The following ARHGEF3 variants were observed in gnomAD, a reference collection of about 807,000 sequenced individuals.
The protein encoded by ARHGEF3 is Rho guanine nucleotide exchange factor 3, also known as 59.8 kDA protein.
Under a neutral mutation model 63.2 loss-of-function variants are expected in ARHGEF3, and 28 were observed. That is an observed-to-expected ratio of 0.44 (90% CI 0.33 to 0.61). The LOEUF is 0.61. Among genes scored for constraint, ARHGEF3 ranks in the 20% least tolerant of loss-of-function variants. The pLI is 0.03. For missense variants in ARHGEF3, 533 were observed against 659.3 expected (o/e 0.81, Z 2.10); for synonymous variants, 266 against 254.2 (o/e 1.05, Z -0.44).
intron 2 of ARHGEF3, among the ~76,000 whole-genome samples, chr3:56,759,329 C>A (rs1183025226): frequency 6.6e-6 from 1 of 152,068 alleles, no homozygotes; most frequent in African/African-American, 2.4e-5. Flanking sequence ...AGGAGCCCGC[C>A]ACCAGGCCCA....
rs148912501 is a variant in ARHGEF3, at chr3:56,845,057, G to A, written c.192+37235C>T. Among the ~76,000 whole-genome samples the A allele has an allele frequency of 4.3e-3, 660 of 152,314 alleles. 5 individuals are homozygous for A. The highest frequency in any genetic ancestry group is 0.014 in the African/African-American group (601 of 41,564). On this transcript the variant is annotated intron_variant, in intron 4 of 12. Transcript: ENST00000338458. Reference sequence around the variant, plus strand: ...CCCATGTGGCAAAGGGCTGAAAGTGGCCTCCTGGAGCTGAAGGTGGCCTCC... The same window carrying A: ...CCCATGTGGCAAAGGGCTGAAAGTGACCTCCTGGAGCTGAAGGTGGCCTCC...
Position 56,729,158 on chromosome 3 carries a change from G to T in ARHGEF3, c.*112C>A. The T allele has an allele frequency of 1.1e-6, 1 of 909,094 alleles. No individual in the cohort carries two copies. The highest frequency in any genetic ancestry group is 1.6e-6 in the Non-Finnish European group (1 of 611,578). The allele number at this position is 909,094 out of a possible 1,614,324, so 56.3% of individuals were successfully genotyped here. ...CAGATACGAGAGACTGGGCCAACATGTATACTTTCACAAAAGTATGAAAAA... is the reference window on the plus strand; with the variant it reads ...CAGATACGAGAGACTGGGCCAACATTTATACTTTCACAAAAGTATGAAAAA... On this transcript the variant is annotated 3_prime_UTR_variant, in exon 10 of 10. Transcript: ENST00000296315.
chr3:57,016,876 G>A (rs1167146993), intron 2 of ARHGEF3, among the ~76,000 whole-genome samples: 1 of 152,090 alleles, frequency 6.6e-6, no homozygotes, highest in Non-Finnish European at 1.5e-5. Flanking sequence ...CTTTGAAAAT[G>A]ACCTTGCCCA....
chr3:57,020,334 C>T (rs760686212), intron 2 of ARHGEF3, among the ~76,000 whole-genome samples: 1 of 152,180 alleles, frequency 6.6e-6, no homozygotes, highest in Non-Finnish European at 1.5e-5. Context: ...ACAGTGAAGA[C>T]CACAAAGGGG....
intron 4 of ARHGEF3, among the ~76,000 whole-genome samples, chr3:56,836,949 T>G (rs1448055451): frequency 1.3e-5 from 2 of 152,062 alleles, no homozygotes; most frequent in East Asian, 3.9e-4. Flanking sequence ...AAAGTCACTG[T>G]GTAAAGGCCA....
chr3:56,844,622 A>G (rs1009638868), intron 4 of ARHGEF3, among the ~76,000 whole-genome samples: 1 of 152,238 alleles, frequency 6.6e-6, no homozygotes, highest in Non-Finnish European at 1.5e-5. Flanking sequence ...TCAACCTTAT[A>G]GCAGGGCTAA....
chr3:57,075,360 A>G (rs780915975), intron 1 of ARHGEF3: 1 of 167,286 alleles, frequency 6.0e-6, no homozygotes. Context: ...CTGTGTGGTC[A>G]GTACCAGGGC....
intron 4 of ARHGEF3, among the ~76,000 whole-genome samples, chr3:56,850,786 T>C (rs566629656): frequency 2.0e-5 from 3 of 152,234 alleles, no homozygotes; most frequent in Non-Finnish European, 4.4e-5. Context: ...TTTCAATTTT[T>C]ATCATCAGTC....
intron 4 of ARHGEF3, among the ~76,000 whole-genome samples, chr3:56,870,492 C>G (rs1193689670): frequency 1.3e-5 from 2 of 152,090 alleles, no homozygotes; most frequent in African/African-American, 4.8e-5. Context: ...ATAGGTGGAA[C>G]AGAGGATTTT....
chr3:57,040,270 C>T (rs561723912), intron 1 of ARHGEF3, among the ~76,000 whole-genome samples: 6 of 152,130 alleles, frequency 3.9e-5, no homozygotes, highest in East Asian at 1.9e-4. Context: ...GAGGTCAGGA[C>T]ATTGAGACCA....
At chr3:56,949,192 G>A (rs1699675116) in intron 3 of ARHGEF3, among the ~76,000 whole-genome samples, 1 of 151,948 alleles carries the variant, frequency 6.6e-6, no homozygotes, top group Admixed American at 6.5e-5. Context: ...GGCAAAAACT[G>A]GAAGCATTCC....
At position 56,821,075 on chromosome 3, in the gene ARHGEF3, G is replaced by A. The variant is rs148140355; in HGVS notation, c.193-47259C>T. Among the ~76,000 whole-genome samples the A allele has an allele frequency of 1.8e-3, 281 of 152,050 alleles. 2 individuals are homozygous for A. Among genetic ancestry groups the A allele is most frequent in the African/African-American group, 6.5e-3 (268 of 41,466 alleles). On this transcript the variant is annotated intron_variant, in intron 4 of 12. Coordinates refer to the ARHGEF3 transcript ENST00000338458. Reference sequence around the variant, plus strand: ...CTACCTGGGAGGCACCTGAGCCTAGGAGACAGAGGCTGCAGTGAATGCAGT... The same window carrying A: ...CTACCTGGGAGGCACCTGAGCCTAGAAGACAGAGGCTGCAGTGAATGCAGT...
chr3:56,803,953 T>C (rs1164642104), upstream of ARHGEF3, among the ~76,000 whole-genome samples: 1 of 151,742 alleles, frequency 6.6e-6, no homozygotes, highest in East Asian at 1.9e-4. Flanking sequence ...GGCATGATCT[T>C]GGCTCACTGC....
intron 2 of ARHGEF3, among the ~76,000 whole-genome samples, chr3:57,001,086 T>C (rs35044559): frequency 0.16 from 24,392 of 151,918 alleles, 2,236 homozygotes; most frequent in Non-Finnish European, 0.21. Context: ...ACTACAGGCA[T>C]GCACCACAAT....
chr3:56,737,085 T>C (rs1013498260), intron 8 of ARHGEF3, 100 bp downstream of exon 8: 12 of 1,275,490 alleles, frequency 9.4e-6, no homozygotes, highest in Admixed American at 2.4e-5. Context: ...AAAAAGAACA[T>C]GACCCTAGAT....
chr3:56,943,100 CA>C (rs1396038981), intron 3 of ARHGEF3, among the ~76,000 whole-genome samples: 1 of 152,188 alleles, frequency 6.6e-6, no homozygotes, highest in Non-Finnish European at 1.5e-5. Flanking sequence ...TGATAATCGA[CA>C]AAGGTGGTGA....
chr3:56,854,139 G>A lies in ARHGEF3; in HGVS notation c.192+28153C>T, dbSNP rs954357943. ...GAACCCGAGAGGCAGAGCTTACAGTGAGCCGAGATGGCGCCACTGCACTCC... is the reference window on the plus strand; with the variant it reads ...GAACCCGAGAGGCAGAGCTTACAGTAAGCCGAGATGGCGCCACTGCACTCC... On this transcript the variant is annotated intron_variant, in intron 4 of 12. Coordinates refer to the ARHGEF3 transcript ENST00000338458. Among the ~76,000 whole-genome samples, 3 of 152,262 alleles carry A rather than the reference G, an allele frequency of 2.0e-5. No homozygotes were observed. In the East Asian group the frequency reaches 5.8e-4, roughly 29 times the overall value.
At chr3:56,837,509 G>A (rs2039156052) in intron 4 of ARHGEF3, among the ~76,000 whole-genome samples, 1 of 152,064 alleles carries the variant, frequency 6.6e-6, no homozygotes, top group South Asian at 2.1e-4. Context: ...GATAAAAGAT[G>A]GTCCAATAAT....
chr3:56,959,978 GAAAC>G (rs1490005754), intron 2 of ARHGEF3, among the ~76,000 whole-genome samples: 2 of 152,104 alleles, frequency 1.3e-5, no homozygotes, highest in Non-Finnish European at 2.9e-5. Context: ...CTCCATCTCA[GAAAC>G]AAACAAACCC....
Sources: allele counts gnomAD v4.1 joint callset (sites outside exome capture counted in the v4.1 genomes callset), GRCh38; gene constraint gnomAD v4.1.1; transcripts MANE v1.5; gene names NCBI Gene and HGNC (gene_info 2026-07-23, HGNC 2026-07-21).